DLEU7: variants seen among roughly 807,000 people sequenced by gnomAD.
The protein encoded by DLEU7 is deleted in lymphocytic leukemia 7.
DLEU7 carries 17 observed loss-of-function variants against 16.0 expected under a neutral mutation model. That is an observed-to-expected ratio of 1.06 (90% confidence interval 0.73 to 1.59). DLEU7 has a LOEUF of 1.59. Ranked by LOEUF, DLEU7 falls within the 40% of genes most tolerant of loss-of-function variation. The probability of loss-of-function intolerance (pLI) is 0.00; values close to 1 mark genes in which losing one functional copy is unlikely to be tolerated. For missense variants in DLEU7, 308 were observed against 314.9 expected (o/e 0.98, Z 0.17); for synonymous variants, 113 against 139.8 (o/e 0.81, Z 1.35).
At chr13:50,842,084 C>G (rs1234999747) in intron 1 of DLEU7, among the ~76,000 whole-genome samples, 1 of 152,082 alleles carries the variant, frequency 6.6e-6, no homozygotes, top group African/African-American at 2.4e-5. Context: ...CCCCCGACAA[C>G]AAAGAATTAG....
chr13:50,732,561 C>T (rs1201289049), intron 1 of DLEU7, among the ~76,000 whole-genome samples: 3 of 132,580 alleles, frequency 2.3e-5, no homozygotes, highest in African/African-American at 6.0e-5. Flanking sequence ...GAGCCGAGAT[C>T]GAGCCACTGC....
chr13:50,769,467 A>T (rs1300574151), intron 1 of DLEU7, among the ~76,000 whole-genome samples: 1 of 152,166 alleles, frequency 6.6e-6, no homozygotes, highest in African/African-American at 2.4e-5. Flanking sequence ...TTATTGTATA[A>T]GGTATAAGGA....
intron 1 of DLEU7, among the ~76,000 whole-genome samples, chr13:50,809,971 G>C (rs1174500156): frequency 6.6e-6 from 1 of 151,794 alleles, no homozygotes; most frequent in African/African-American, 2.4e-5. Context: ...GAGCCAGCAG[G>C]GACAAGAACA....
rs891131396 is a variant in DLEU7, at chr13:50,731,682, A to G, written c.460-18442T>C. 3.3e-5 allele frequency among the ~76,000 whole-genome samples: 5 copies of G among 152,204 alleles called. No individual in the cohort carries two copies. The South Asian group carries it at 6.2e-4, about 19-fold the overall frequency. On this transcript the variant is annotated intron_variant, in intron 1 of 1. Transcript: ENST00000400393. ...TTTCTTATTCTAAAATGTTGCACTG[A>G]TAATTGCTAAGAAGTATAAACAAAG...
At chr13:50,722,830 A>G (rs151003002) in intron 1 of DLEU7, among the ~76,000 whole-genome samples, 2 of 152,348 alleles carry the variant, frequency 1.3e-5, no homozygotes, top group African/African-American at 4.8e-5. Context: ...GAAATACTAC[A>G]GAGATTCTGT....
chr13:50,770,591 T>G (rs1257046979), intron 1 of DLEU7, among the ~76,000 whole-genome samples: 1 of 152,258 alleles, frequency 6.6e-6, no homozygotes, highest in African/African-American at 2.4e-5. Context: ...TTTGCATATG[T>G]TAAACCAGCC....
At chr13:50,738,960 AAT>A (rs1212429209) in intron 1 of DLEU7, among the ~76,000 whole-genome samples, 1 of 113,366 alleles carries the variant, frequency 8.8e-6, no homozygotes, top group Non-Finnish European at 1.9e-5. Flanking sequence ...TCTAAAAAAT[AAT>A]ACACACACAC....
intron 1 of DLEU7, among the ~76,000 whole-genome samples, chr13:50,747,388 G>C (rs780192320): frequency 5.8e-4 from 88 of 151,684 alleles, no homozygotes; most frequent in Non-Finnish European, 1.8e-4. Flanking sequence ...GAGGGAGAAA[G>C]TGGGTGTGTG....
chr13:50,819,267 C>CA (rs1215144307), downstream of DLEU7, among the ~76,000 whole-genome samples: 8 of 152,020 alleles, frequency 5.3e-5, no homozygotes, highest in African/African-American at 1.9e-4. Context: ...AGAGCAAGTG[C>CA]AAAGGCCATA....
chr13:50,823,500 G>A lies in DLEU7; in HGVS notation c.480C>T (p.Asn160=), dbSNP rs576114303. ...TCTGTAGAGCCAAATGACTGCAGAT[G>A]TTTCTAAACTCAACACTATCCTGAA... is the stretch of plus-strand genomic sequence containing the variant. ...IHLKDSVEFR[N]ICSHLALQIE... The change falls in exon 2 of 2, where the codon AAC becomes AAT. Residue 160 remains asparagine, a synonymous_variant. Coordinates refer to ENST00000504404, the MANE Select transcript of DLEU7 (RefSeq NM_001306135.2). 4.6e-6 allele frequency: 7 copies of A among 1,535,824 alleles called. No homozygotes were observed. The highest frequency in any genetic ancestry group is 6.1e-6 in the Non-Finnish European group (7 of 1,146,676).
At position 50,843,499 on chromosome 13, in the gene DLEU7, G is replaced by A; in HGVS notation, c.148C>T (p.Pro50Ser). Reference sequence around the variant, plus strand: ...CGCGGCGGGCCTGAGCGACGGGCTGGAGCGGTGGACACGTGGTCTGGGTCC... The same window carrying A: ...CGCGGCGGGCCTGAGCGACGGGCTGAAGCGGTGGACACGTGGTCTGGGTCC... Reference protein sequence around the residue: ...PRDPDHVSTAPARRSGPPRAR... With the variant: ...PRDPDHVSTASARRSGPPRAR... The change falls in exon 1 of 2, where the codon CCA (proline) becomes TCA (serine). Residue 50 changes from proline to serine, a missense_variant. Coordinates refer to ENST00000504404, the MANE Select transcript of DLEU7 (RefSeq NM_001306135.2). The surrounding 1 kb of genome is among the most constrained non-coding windows in gnomAD (Gnocchi z 5.7). 7.2e-7 allele frequency: 1 copy of A among 1,391,978 alleles called. No individual in the cohort carries two copies. The highest frequency in any genetic ancestry group is 9.2e-7 in the Non-Finnish European group (1 of 1,083,480). The allele number at this position is 1,391,978 out of a possible 1,614,324, so 86.2% of individuals were successfully genotyped here. A position where few individuals can be genotyped will look rare whatever the true frequency, so the allele number is the denominator to read the frequency against.
intron 1 of DLEU7, among the ~76,000 whole-genome samples, chr13:50,777,176 A>G (rs567997240): frequency 6.6e-6 from 1 of 152,318 alleles, no homozygotes; most frequent in South Asian, 2.1e-4. Context: ...TCACTGAACT[A>G]ATAGACTTGT....
intron 1 of DLEU7, among the ~76,000 whole-genome samples, chr13:50,775,156 C>G (rs1247397107): frequency 1.3e-5 from 2 of 151,200 alleles, no homozygotes; most frequent in Non-Finnish European, 2.9e-5. Flanking sequence ...CTTTGTAAGT[C>G]TAATAAATTT....
At chr13:50,768,912 G>A (rs951441533) in intron 1 of DLEU7, among the ~76,000 whole-genome samples, 4 of 152,174 alleles carry the variant, frequency 2.6e-5, no homozygotes, top group African/African-American at 9.7e-5. Context: ...CAGTGTAGAA[G>A]CGTTCCTATT....
intron 1 of DLEU7, among the ~76,000 whole-genome samples, chr13:50,777,038 T>A (rs1875521014): frequency 6.6e-6 from 1 of 152,180 alleles, no homozygotes; most frequent in Non-Finnish European, 1.5e-5. Flanking sequence ...AAGCTGGAAC[T>A]TAGTAGTGGC....
chr13:50,764,288 T>C (rs961890080), intron 1 of DLEU7, among the ~76,000 whole-genome samples: 1 of 152,244 alleles, frequency 6.6e-6, no homozygotes, highest in Admixed American at 6.5e-5. Flanking sequence ...GTGAACTCCA[T>C]AAAAGGAGTT....
chr13:50,725,162 G>T (rs1187675756), intron 1 of DLEU7, among the ~76,000 whole-genome samples: 3 of 152,140 alleles, frequency 2.0e-5, no homozygotes, highest in East Asian at 3.9e-4. Flanking sequence ...GCCTCCACTG[G>T]CCACAAGTAT....
chr13:50,761,809 A>G (rs1874940728), intron 1 of DLEU7, among the ~76,000 whole-genome samples: 1 of 152,224 alleles, frequency 6.6e-6, no homozygotes, highest in Non-Finnish European at 1.5e-5. Context: ...TGCCTCTTAA[A>G]TGGGCATTTT....
At chr13:50,803,537 G>T (rs1876304681) in intron 1 of DLEU7, among the ~76,000 whole-genome samples, 1 of 151,940 alleles carries the variant, frequency 6.6e-6, no homozygotes, top group Admixed American at 6.6e-5. Flanking sequence ...CAATTGTGAT[G>T]CACAGTAATT....
Sources: gnomAD v4.1 joint callset for allele counts (sites outside exome capture counted in the v4.1 genomes callset) on GRCh38, gnomAD v4.1.1 for gene constraint, Gnocchi (gnomAD v3.1) non-coding constraint, MANE v1.5 for transcripts, NCBI Gene and HGNC (gene_info 2026-07-23, HGNC 2026-07-21) for gene names.